The following RAC1 variants were observed in gnomAD, a reference collection of about 807,000 sequenced individuals.
The protein encoded by RAC1 is Rac family small GTPase 1, also known as ras-related C3 botulinum toxin substrate 1.
A neutral mutation model predicts 25.2 loss-of-function variants in RAC1; 2 were observed. The observed-to-expected ratio is 0.08, with a 90% CI of 0.03 to 0.25. The LOEUF (loss-of-function observed/expected upper bound fraction) is 0.25. Ranked by LOEUF, RAC1 falls within the 10% of genes least tolerant of loss-of-function variation. The probability of loss-of-function intolerance (pLI) is 1.00; values close to 1 mark genes in which losing one functional copy is unlikely to be tolerated. For synonymous variants in RAC1, 88 were observed against 94.0 expected (o/e 0.94, Z 0.37); for missense variants, 50 against 235.7 (o/e 0.21, Z 5.16).
intron 3 of RAC1, among the ~76,000 whole-genome samples, chr7:6,398,148 G>A (rs1340924749): frequency 6.6e-6 from 1 of 152,204 alleles, no homozygotes; most frequent in African/African-American, 2.4e-5. Flanking sequence ...TTTCTGCATA[G>A]GAGACTTGGA....
chr7:6,386,749 A>G (rs111373630), intron 1 of RAC1, among the ~76,000 whole-genome samples: 3 of 150,906 alleles, frequency 2.0e-5, no homozygotes, highest in South Asian at 2.1e-4. Context: ...GTGCCTCTGC[A>G]CTGCACTCCA....
intron 1 of RAC1, among the ~76,000 whole-genome samples, chr7:6,380,942 C>G (rs1782744963): frequency 6.6e-6 from 1 of 152,148 alleles, no homozygotes; most frequent in Non-Finnish European, 1.5e-5. Flanking sequence ...GATCTCTGCT[C>G]ACTGCAATCT....
chr7:6,402,128 G>C (rs1004411071), intron 5 of RAC1, 101 bp downstream of exon 5: 70 of 1,462,888 alleles, frequency 4.8e-5, no homozygotes, highest in Non-Finnish European at 6.0e-5. Flanking sequence ...CTCCCACTCA[G>C]GGCCTGGTGT....
intron 3 of RAC1, among the ~76,000 whole-genome samples, chr7:6,392,890 A>G (rs1055155779): frequency 6.6e-6 from 1 of 152,168 alleles, no homozygotes; most frequent in African/African-American, 2.4e-5. Flanking sequence ...GTTTCCTTGT[A>G]GGGTGAGATG....
rs1783488136 is a variant in RAC1, at chr7:6,403,804, AACTTAACTC to A, written c.*1362_*1370del. 1 of 216,296 alleles carries A rather than the reference AACTTAACTC, an allele frequency of 4.6e-6. No individual in the cohort carries two copies. Among genetic ancestry groups the A allele is most frequent in the African/African-American group, 2.3e-5 (1 of 44,360 alleles). The allele number at this position is 216,296 out of a possible 1,614,324, so 13.4% of individuals were successfully genotyped here. ...TGCTAGTGCTGACGATGTTCTGTAC[AACTTAACTC>A]ACTGGCGAGAATACAGCGTGGGACC... On this transcript the variant is annotated 3_prime_UTR_variant, in exon 6 of 6. Coordinates refer to ENST00000348035, the MANE Select transcript of RAC1 (RefSeq NM_006908.5).
chr7:6,382,590 G>C (rs541894930), intron 1 of RAC1, among the ~76,000 whole-genome samples: 1 of 152,192 alleles, frequency 6.6e-6, no homozygotes, highest in Non-Finnish European at 1.5e-5. Flanking sequence ...TTGGCTGGGC[G>C]TGGTGGCTCA....
intron 3 of RAC1, among the ~76,000 whole-genome samples, chr7:6,396,613 T>C (rs982810680): frequency 1.3e-5 from 2 of 152,162 alleles, no homozygotes; most frequent in African/African-American, 4.8e-5. Context: ...TTCTCGATGA[T>C]CCTCTCCCAT....
At chr7:6,399,174 C>T (rs1330021674) in intron 3 of RAC1, among the ~76,000 whole-genome samples, 2 of 152,158 alleles carry the variant, frequency 1.3e-5, no homozygotes, top group Admixed American at 1.3e-4. Flanking sequence ...CTGGGTGCCG[C>T]GGTGATTCTT....
At chr7:6,386,548 C>T (rs1345598964) in intron 1 of RAC1, among the ~76,000 whole-genome samples, 2 of 151,768 alleles carry the variant, frequency 1.3e-5, no homozygotes, top group Non-Finnish European at 2.9e-5. Context: ...TTGGGAGGTC[C>T]AGGTGGGCGG....
chr7:6,402,146 G>C (rs1783420373), intron 5 of RAC1, 119 bp downstream of exon 5: 1 of 1,442,442 alleles, frequency 6.9e-7, no homozygotes, highest in Non-Finnish European at 9.4e-7. Context: ...TGTACTCTTG[G>C]GGAACCAGCT....
rs758205863 is a variant in RAC1, at chr7:6,401,791, C to G, written c.289-77C>G. On this transcript the variant is annotated intron_variant, in intron 4 of 5. Coordinates refer to ENST00000348035, the MANE Select transcript of RAC1 (RefSeq NM_006908.5). ...GAGGTTAGGTGTCTGGCATGAGTGC[C>G]GCCGGCTGGGTGTGATTTAGGTGAA... 4.7e-6 allele frequency: 7 copies of G among 1,500,576 alleles called. No individual in the cohort carries two copies. The East Asian group carries it at 1.6e-4, about 35-fold the overall frequency. 93.0% of individuals were successfully genotyped at this position (1,500,576 alleles called of 1,614,324 possible).
chr7:6,379,389 C>G (rs746529452), intron 1 of RAC1, among the ~76,000 whole-genome samples: 2 of 150,588 alleles, frequency 1.3e-5, no homozygotes, highest in African/African-American at 4.9e-5. Context: ...ATTCTCCTGC[C>G]TCAGCTTGTC....
In RAC1 at chr7:6,403,577, C is replaced by A; in HGVS notation, c.*1131C>A. On this transcript the variant is annotated 3_prime_UTR_variant, in exon 6 of 6. Transcript: ENST00000348035. ...TTTTCTAGTAACTAGGTGTAAAAAT[C>A]ATGTGTTGCAGCTTTATAGTTTTTA... 1 of 217,810 alleles carries A rather than the reference C, an allele frequency of 4.6e-6. No individual in the cohort carries two copies. Among genetic ancestry groups the A allele is most frequent in the Non-Finnish European group, 9.3e-6 (1 of 108,082 alleles). 13.5% of individuals were successfully genotyped at this position (217,810 alleles called of 1,614,324 possible).
intron 3 of RAC1, 79 bp downstream of exon 3, chr7:6,392,120 G>A: frequency 6.3e-7 from 1 of 1,594,198 alleles, no homozygotes. Context: ...TGTTACCTAT[G>A]GACTTGCTTA....
chr7:6,397,025 C>T (rs1413950218), intron 3 of RAC1, among the ~76,000 whole-genome samples: 576 of 92,836 alleles, frequency 6.2e-3, no homozygotes, highest in Middle Eastern at 0.049. Context: ...AGCGAGACTC[C>T]CTCTCAAAAA....
chr7:6,388,317 ATGTTTTTG>A (rs1365361357), intron 2 of RAC1, among the ~76,000 whole-genome samples: 1 of 136,966 alleles, frequency 7.3e-6, no homozygotes, highest in African/African-American at 2.7e-5. Context: ...TGTCGTACCC[ATGTTTTTG>A]TTGTTGTTGT....
At chr7:6,384,601 C>T (rs907873654) in intron 1 of RAC1, among the ~76,000 whole-genome samples, 1 of 152,136 alleles carries the variant, frequency 6.6e-6, no homozygotes, top group African/African-American at 2.4e-5. Flanking sequence ...CTTCAGCCTC[C>T]TGAGTAGCTG....
chr7:6,395,458 G>A (rs778914344), intron 3 of RAC1, among the ~76,000 whole-genome samples: 2 of 152,174 alleles, frequency 1.3e-5, no homozygotes, highest in Non-Finnish European at 1.5e-5. Flanking sequence ...ACTCTTCGCC[G>A]CGAGGGAAAC....
At chr7:6,375,932 G>A (rs1303928215) in intron 1 of RAC1, 4 of 152,166 alleles carry the variant, frequency 2.6e-5, no homozygotes, top group South Asian at 4.1e-4. Context: ...TGTTAGCGAG[G>A]AAGAATTACT....
Sources: allele counts gnomAD v4.1 joint callset (sites outside exome capture counted in the v4.1 genomes callset), GRCh38; gene constraint gnomAD v4.1.1; transcripts MANE v1.5; gene names NCBI Gene and HGNC (gene_info 2026-07-23, HGNC 2026-07-21).